Variants in IL37 observed in about 807,000 individuals in gnomAD.
IL37 encodes interleukin-37.
In IL37, 15 loss-of-function variants were observed where a neutral mutation model predicts 15.4. The ratio of observed to expected loss-of-function variants is 0.98; its 90% CI spans 0.65 to 1.50. The LOEUF (loss-of-function observed/expected upper bound fraction) is 1.50. Ranked by LOEUF, IL37 falls within the 40% of genes most tolerant of loss-of-function variation. The pLI is 0.00. For synonymous variants in IL37, 98 were observed against 97.4 expected, an observed-to-expected ratio of 1.01 and a Z score of -0.03; for missense variants, 269 against 261.7, an observed-to-expected ratio of 1.03 and a Z score of -0.19.
intron 3 of IL37, among the ~76,000 whole-genome samples, chr2:112,915,421 G>A (rs1683284790): frequency 6.6e-6 from 1 of 152,180 alleles, no homozygotes; most frequent in Non-Finnish European, 1.5e-5. Flanking sequence ...CACCAGGGGT[G>A]AGAGTCACAG....
At chr2:112,915,211 A>T (rs778331780) in intron 3 of IL37, 2 of 1,614,054 alleles carry the variant, frequency 1.2e-6, no homozygotes, top group Non-Finnish European at 1.7e-6. Context: ...CTGTGATAGG[A>T]GGGAAACAGA....
chr2:112,912,219 T>G (rs1683191655), intron 1 of IL37, among the ~76,000 whole-genome samples: 2 of 152,194 alleles, frequency 1.3e-5, no homozygotes. Context: ...TTTGCTCCAC[T>G]TCTGTCCTAT....
Position 112,917,732 on chromosome 2 carries a change from C to A in IL37, c.363C>A (p.Tyr121Ter), listed in dbSNP as rs749751577. 6.2e-6 allele frequency: 10 copies of A among 1,614,088 alleles called. No individual in the cohort carries two copies. Among genetic ancestry groups the A allele is most frequent in the Non-Finnish European group, 8.5e-6 (10 of 1,179,954 alleles). ...TCTCTAAAGGGGAGTTTTGTCTCTACTGTGACAAGGATAAAGGACAAAGTC... is the reference window on the plus strand; with the variant it reads ...TCTCTAAAGGGGAGTTTTGTCTCTAATGTGACAAGGATAAAGGACAAAGTC... ...LGVSKGEFCL[Y>*]CDKDKGQSHP... The change falls in exon 5 of 6, where the codon TAC becomes TAA. Residue 121 changes from tyrosine (Y) to a stop codon, truncating the protein, a stop_gained. Transcript: ENST00000263326. LOFTEE classifies it low-confidence loss of function (END_TRUNC).
intron 1 of IL37, among the ~76,000 whole-genome samples, 156 bp from the exon 2 acceptor site, chr2:112,912,807 C>G (rs1441548696): frequency 1.3e-5 from 2 of 152,202 alleles, no homozygotes; most frequent in South Asian, 2.1e-4. Flanking sequence ...GCGTGATAGA[C>G]AGGAGAGCAT....
chr2:112,917,986 G>A lies in IL37; in HGVS notation c.408+209G>A, dbSNP rs116313521. Among the ~76,000 whole-genome samples the A allele has an allele frequency of 3.7e-3, 569 of 152,324 alleles. 5 individuals are homozygous for A. The highest frequency in any genetic ancestry group is 0.013 in the African/African-American group (538 of 41,574). Reference sequence around the variant, plus strand: ...GGAAGGAGGAGAGACTCCTCACAGCGGGGAGACAGCAAGGAGCTGAGCACC... The same window carrying A: ...GGAAGGAGGAGAGACTCCTCACAGCAGGGAGACAGCAAGGAGCTGAGCACC... On this transcript the variant is annotated intron_variant, in intron 5 of 5. Transcript: ENST00000263326.
intron 3 of IL37, among the ~76,000 whole-genome samples, chr2:112,915,420 TGA>T (rs1018688287): frequency 2.0e-5 from 3 of 152,092 alleles, no homozygotes; most frequent in African/African-American, 7.2e-5. Context: ...GCACCAGGGG[TGA>T]GAGTCACAGC....
At chr2:112,916,547 C>T (rs558644437) in intron 3 of IL37, among the ~76,000 whole-genome samples, 14 of 152,208 alleles carry the variant, frequency 9.2e-5, no homozygotes, top group Non-Finnish European at 2.1e-4. Context: ...CAGCCTTGCA[C>T]CGTGCTGGGC....
chr2:112,914,449 A>G (rs1377194444), intron 3 of IL37, among the ~76,000 whole-genome samples: 1 of 152,194 alleles, frequency 6.6e-6, no homozygotes, highest in African/African-American at 2.4e-5. Flanking sequence ...TAAGGCTCCC[A>G]TCACCTCCTC....
At chr2:112,913,698 C>T (rs1318267455) in intron 2 of IL37, 94 bp from the exon 3 acceptor site, 2 of 919,792 alleles carry the variant, frequency 2.2e-6, no homozygotes, top group African/African-American at 3.2e-5. Context: ...TTTCTCAGCA[C>T]ATACACAGAA....
intron 4 of IL37, 42 bp downstream of exon 4, chr2:112,917,290 A>G (rs1427216746): frequency 1.2e-6 from 2 of 1,609,278 alleles, no homozygotes; most frequent in Non-Finnish European, 1.7e-6. Context: ...TCCACCTAGC[A>G]GGGGTAAGGC....
At chr2:112,915,688 T>G (rs1255074133) in intron 3 of IL37, among the ~76,000 whole-genome samples, 12 of 152,200 alleles carry the variant, frequency 7.9e-5, no homozygotes, top group Non-Finnish European at 2.9e-5. Context: ...GAGATTCTGA[T>G]GTAAGGCAGG....
At chr2:112,915,989 G>A (rs2708941) in intron 3 of IL37, among the ~76,000 whole-genome samples, 14,735 of 152,236 alleles carry the variant, frequency 0.097, 938 homozygotes, top group African/African-American at 0.17. Flanking sequence ...AGGGGGCTGA[G>A]GAGGGCTGCA....
At chr2:112,918,391 A>G (rs1250132408) in intron 5 of IL37, among the ~76,000 whole-genome samples, 170 bp from the exon 6 acceptor site, 2 of 151,900 alleles carry the variant, frequency 1.3e-5, no homozygotes, top group African/African-American at 4.8e-5. Flanking sequence ...AGGATTGCTT[A>G]TCATCCCTTA....
chr2:112,913,117 C>T (rs772659378), intron 2 of IL37, 23 bp downstream of exon 2: 9 of 1,482,530 alleles, frequency 6.1e-6, no homozygotes, highest in South Asian at 1.3e-5. Flanking sequence ...TAGAAATCTA[C>T]CTCAGGGCCA....
intron 1 of IL37, among the ~76,000 whole-genome samples, chr2:112,911,594 A>G (rs1438333906): frequency 1.3e-5 from 2 of 152,180 alleles, no homozygotes; most frequent in Admixed American, 6.5e-5. Flanking sequence ...TTTTGAGTGC[A>G]AAGAGATGGA....
In IL37 at chr2:112,918,798, G is replaced by A; in HGVS notation, c.646G>A (p.Val216Ile). ...VCKAEMSPSEVSD is the reference protein window; with the variant it reads ...VCKAEMSPSEISD ...CAAAGCTGAAATGAGCCCCAGTGAG[G>A]TCAGCGATTAGGAAACTGCCCCATT... Residue 216 changes from valine to isoleucine, a missense_variant, in exon 6 of 6, where the codon GTC becomes ATC. Transcript: ENST00000263326. The A allele has an allele frequency of 6.2e-7, 1 of 1,612,440 alleles. No homozygotes were observed. The highest frequency in any genetic ancestry group is 1.7e-5 in the Admixed American group (1 of 59,972).
intron 4 of IL37, 93 bp downstream of exon 4, chr2:112,917,341 C>G: frequency 7.1e-7 from 1 of 1,412,332 alleles, no homozygotes; most frequent in Non-Finnish European, 9.7e-7. Flanking sequence ...TACCATGCCC[C>G]ATCTCCAGCA....
chr2:112,917,271 T>C lies in IL37; in HGVS notation c.265+23T>C, dbSNP rs571880626. On this transcript the variant is annotated intron_variant, in intron 4 of 5. Coordinates refer to ENST00000263326, the MANE Select transcript of IL37 (RefSeq NM_014439.4). ...CAGGTGACTCTCAGTTTTGGCTGTG[T>C]TTTCTGCCTCCACCTAGCAGGGGTA... is the stretch of plus-strand genomic sequence containing the variant. The C allele has an allele frequency of 9.9e-6, 16 of 1,613,022 alleles. No individual in the cohort carries two copies. The South Asian group carries it at 1.7e-4, about 17-fold the overall frequency.
Position 112,917,560 on chromosome 2 carries a change from C to T in IL37, c.266-75C>T, listed in dbSNP as rs1683344762. 13 of 1,433,818 alleles carry T rather than the reference C, an allele frequency of 9.1e-6. No homozygotes were observed. The East Asian group carries it at 2.3e-4, about 25-fold the overall frequency. 88.8% of individuals were successfully genotyped at this position (1,433,818 alleles called of 1,614,324 possible). ...CAAGGGAGAGGGACTGTGCATCAGG[C>T]CTGAAACCCCAGCAGACAGGAGAGA... On this transcript the variant is annotated intron_variant, in intron 4 of 5. Coordinates refer to ENST00000263326, the MANE Select transcript of IL37 (RefSeq NM_014439.4).
Sources: gnomAD v4.1 joint callset for allele counts (sites outside exome capture counted in the v4.1 genomes callset) on GRCh38, gnomAD v4.1.1 for gene constraint, MANE v1.5 for transcripts, NCBI Gene and HGNC (gene_info 2026-07-23, HGNC 2026-07-21) for gene names.